Variants in CTCF observed in about 807,000 individuals in gnomAD.
CTCF encodes the protein transcriptional repressor CTCF.
A neutral mutation model predicts 72.3 loss-of-function variants in CTCF; 7 were observed. That is an observed-to-expected ratio of 0.10 (90% CI 0.06 to 0.18). CTCF has a LOEUF of 0.18. Among genes scored for constraint, CTCF ranks in the 10% least tolerant of loss-of-function variants. CTCF has a pLI of 1.00. For missense variants in CTCF, 516 were observed against 949.1 expected, an observed-to-expected ratio of 0.54 and a Z score of 6.00; for synonymous variants, 374 against 315.8, an observed-to-expected ratio of 1.18 and a Z score of -1.95.
At chr16:67,572,172 A>G (rs535451650) in intron 2 of CTCF, among the ~76,000 whole-genome samples, 2 of 152,350 alleles carry the variant, frequency 1.3e-5, no homozygotes, top group South Asian at 4.1e-4. Flanking sequence ...AGAAGGGAAT[A>G]GGAATGAAAG....
At chr16:67,626,361 G>GAGA in intron 7 of CTCF, 194 bp from the exon 8 acceptor site, 2 of 350,394 alleles carry the variant, frequency 5.7e-6, no homozygotes, top group South Asian at 2.5e-4. Flanking sequence ...GCTGAGGCGG[G>GAGA]AGAATGGCAT....
chr16:67,566,001 C>T (rs547324639), intron 1 of CTCF, among the ~76,000 whole-genome samples: 5 of 152,328 alleles, frequency 3.3e-5, no homozygotes, highest in Admixed American at 1.3e-4. Flanking sequence ...GCTGCTGTCA[C>T]AGCCATTCCA....
intron 2 of CTCF, among the ~76,000 whole-genome samples, chr16:67,597,318 G>A (rs1246812489): frequency 1.3e-5 from 2 of 151,948 alleles, no homozygotes; most frequent in Non-Finnish European, 2.9e-5. Flanking sequence ...ACAGGCGTAA[G>A]TCTCTGTACC....
intron 1 of CTCF, among the ~76,000 whole-genome samples, chr16:67,570,586 C>T (rs1255222212): frequency 1.3e-5 from 2 of 151,636 alleles, no homozygotes; most frequent in African/African-American, 4.8e-5. Flanking sequence ...GTACTACAGG[C>T]GCCTGCCACC....
chr16:67,632,176 AC>A (rs1335906992), intron 10 of CTCF, among the ~76,000 whole-genome samples: 1 of 152,002 alleles, frequency 6.6e-6, no homozygotes, highest in Non-Finnish European at 1.5e-5. Context: ...GATAATCTTA[AC>A]CTTGGGGATC....
At chr16:67,605,341 A>G (rs953538163) in intron 2 of CTCF, among the ~76,000 whole-genome samples, 1 of 152,246 alleles carries the variant, frequency 6.6e-6, no homozygotes, top group Non-Finnish European at 1.5e-5. Flanking sequence ...ATTATAAAGC[A>G]TTCTACAAAT....
chr16:67,608,649 C>G (rs1369948790), intron 2 of CTCF, among the ~76,000 whole-genome samples: 1 of 152,068 alleles, frequency 6.6e-6, no homozygotes, highest in African/African-American at 2.4e-5. Flanking sequence ...TAGCATTATG[C>G]ACTTTGAATT....
rs77147392 is a variant in CTCF at position 67,565,019 on chromosome 16, G to A, written c.-127+2295G>A. On this transcript the variant is annotated intron_variant, in intron 1 of 11. Transcript: ENST00000264010. ...GTAACCCAGACCTTTTTTTTTTTTT[G>A]AGACGGAGTCTCGTTCTGTCCCCTA... Among the ~76,000 whole-genome samples, 3 of 134,930 alleles carry A rather than the reference G, an allele frequency of 2.2e-5. No homozygotes were observed. In the Admixed American group the frequency reaches 2.2e-4, roughly 10 times the overall value. 88.5% of individuals were successfully genotyped at this position (134,930 alleles called of 152,430 possible).
intron 7 of CTCF, among the ~76,000 whole-genome samples, chr16:67,625,271 AC>A (rs1456138865): frequency 6.6e-6 from 1 of 151,538 alleles, no homozygotes; most frequent in African/African-American, 2.4e-5. Context: ...GCTCACTGCA[AC>A]CTCTGCCCCC....
chr16:67,621,699 G>T, intron 7 of CTCF, 108 bp downstream of exon 7: 4 of 652,432 alleles, frequency 6.1e-6, no homozygotes, highest in East Asian at 3.5e-5. Context: ...AACATTTTAT[G>T]TATAGGAATG....
Position 67,593,293 on chromosome 16 carries a change from C to T in CTCF, c.-9-17531C>T, listed in dbSNP as rs571276850. 2.0e-5 allele frequency among the ~76,000 whole-genome samples: 3 copies of T among 152,014 alleles called. No individual in the cohort carries two copies. The South Asian group carries it at 6.2e-4, about 32-fold the overall frequency. On this transcript the variant is annotated intron_variant, in intron 2 of 11. Transcript: ENST00000264010. ...TTGGGGGTACAATTGTTGCTCATCA[C>T]CCAGGTAATGAGCATAGTACCCAAT...
At chr16:67,622,312 C>T (rs973199947) in intron 7 of CTCF, among the ~76,000 whole-genome samples, 2 of 151,210 alleles carry the variant, frequency 1.3e-5, no homozygotes, top group African/African-American at 2.4e-5. Flanking sequence ...GCAGAGATCA[C>T]GCCACCGCAC....
chr16:67,564,503 C>G (rs764031350), intron 1 of CTCF, among the ~76,000 whole-genome samples: 2 of 152,194 alleles, frequency 1.3e-5, no homozygotes, highest in African/African-American at 2.4e-5. Context: ...TTCCTGCCAC[C>G]CCTCTTCCTC....
intron 2 of CTCF, among the ~76,000 whole-genome samples, chr16:67,604,446 C>T (rs1410089218): frequency 6.6e-6 from 1 of 152,104 alleles, no homozygotes; most frequent in Non-Finnish European, 1.5e-5. Flanking sequence ...AGGTTCACAC[C>T]ATTCTCCTGC....
chr16:67,591,282 A>G (rs2051740626), intron 2 of CTCF, among the ~76,000 whole-genome samples: 1 of 152,144 alleles, frequency 6.6e-6, no homozygotes, highest in African/African-American at 2.4e-5. Context: ...ACAGAGCGAG[A>G]CTCTGTCTCA....
chr16:67,628,353 C>A lies in CTCF; in HGVS notation c.1519-17C>A, dbSNP rs1193988664. 4 of 1,610,166 alleles carry A rather than the reference C, an allele frequency of 2.5e-6. No individual in the cohort carries two copies. In the African/African-American group the frequency reaches 4.0e-5, roughly 16 times the overall value. ...CCATGAGCAGGCTCTGAGGCCTTTC[C>A]CCCTATGCCGTTTCAGGAGAGGCAC... On this transcript the variant is annotated splice_polypyrimidine_tract_variant and intron_variant, in intron 8 of 11. Transcript: ENST00000264010.
chr16:67,630,800 C>T (rs920960628), intron 10 of CTCF, among the ~76,000 whole-genome samples: 1 of 152,040 alleles, frequency 6.6e-6, no homozygotes, highest in Admixed American at 6.6e-5. Flanking sequence ...GGTGGAGGAA[C>T]AAGAGTCTTG....
At chr16:67,634,673 G>C (rs915181134) in intron 10 of CTCF, among the ~76,000 whole-genome samples, 8 of 150,728 alleles carry the variant, frequency 5.3e-5, no homozygotes, top group African/African-American at 2.0e-4. Flanking sequence ...ACACACCACC[G>C]TGTCCTGCTA....
intron 2 of CTCF, among the ~76,000 whole-genome samples, chr16:67,579,074 G>A (rs1356051833): frequency 2.0e-5 from 3 of 151,798 alleles, no homozygotes; most frequent in Non-Finnish European, 4.4e-5. Context: ...GACCAACATG[G>A]TGAAACCCCA....
Sources: gnomAD v4.1 joint callset for allele counts (sites outside exome capture counted in the v4.1 genomes callset) on GRCh38, gnomAD v4.1.1 for gene constraint, MANE v1.5 for transcripts, NCBI Gene and HGNC (gene_info 2026-07-23, HGNC 2026-07-21) for gene names.